Variants in ANKRD17 observed in about 807,000 individuals in gnomAD.
The protein encoded by ANKRD17 is ankyrin repeat domain 17.
In ANKRD17, 19 loss-of-function variants were observed where a neutral mutation model predicts 229.7. The observed-to-expected ratio is 0.08, with a 90% confidence interval of 0.06 to 0.12. The LOEUF (loss-of-function observed/expected upper bound fraction) is 0.12. Among genes scored for constraint, ANKRD17 ranks in the 10% least tolerant of loss-of-function variants. The probability of loss-of-function intolerance (pLI) is 1.00; values close to 1 mark genes in which losing one functional copy is unlikely to be tolerated. For missense variants in ANKRD17, 2,176 were observed against 3,176.8 expected (o/e 0.68, Z 7.57); for synonymous variants, 1,112 against 1,146.1 (o/e 0.97, Z 0.60).
intron 11 of ANKRD17, among the ~76,000 whole-genome samples, chr4:73,143,896 A>G (rs1729913319): frequency 6.6e-6 from 1 of 152,056 alleles, no homozygotes; most frequent in East Asian, 1.9e-4. Flanking sequence ...GCAAGCCACC[A>G]TGCCCAGCTA....
At chr4:73,146,912 G>T (rs1730357488) in intron 9 of ANKRD17, 39 bp from the exon 10 acceptor site, 4 of 1,513,028 alleles carry the variant, frequency 2.6e-6, no homozygotes, top group Non-Finnish European at 3.6e-6. Flanking sequence ...CTTAATAAAG[G>T]AGCCATAAGA....
chr4:73,123,826 A>T (rs1162482105), intron 18 of ANKRD17, among the ~76,000 whole-genome samples: 2 of 152,050 alleles, frequency 1.3e-5, no homozygotes, highest in African/African-American at 2.4e-5. Context: ...AAGCTAGTTT[A>T]AGATGCTCAA....
At chr4:73,240,806 CTTTTTTT>C (rs111961579) in intron 1 of ANKRD17, among the ~76,000 whole-genome samples, 1 of 127,056 alleles carries the variant, frequency 7.9e-6, no homozygotes, top group Non-Finnish European at 1.7e-5. Context: ...AGTACTTATT[CTTTTTTT>C]TTTTTTTTTT....
intron 1 of ANKRD17, among the ~76,000 whole-genome samples, chr4:73,211,450 A>G (rs1740244138): frequency 6.6e-6 from 1 of 152,236 alleles, no homozygotes; most frequent in Non-Finnish European, 1.5e-5. Flanking sequence ...TAAATGTAAA[A>G]TAACACAGTA....
chr4:73,100,095 C>G (rs996603715), intron 25 of ANKRD17, among the ~76,000 whole-genome samples: 14 of 152,194 alleles, frequency 9.2e-5, no homozygotes, highest in Non-Finnish European at 1.5e-4. Flanking sequence ...TCACAAACTA[C>G]CTCTGGACAG....
At chr4:73,221,696 C>T (rs1321946990) in intron 1 of ANKRD17, among the ~76,000 whole-genome samples, 3 of 152,042 alleles carry the variant, frequency 2.0e-5, no homozygotes, top group Non-Finnish European at 4.4e-5. Flanking sequence ...TTTAAGGAAA[C>T]TCACTAATAG....
intron 1 of ANKRD17, among the ~76,000 whole-genome samples, chr4:73,200,275 CTACTT>C (rs1738479450): frequency 6.6e-6 from 1 of 152,062 alleles, no homozygotes; most frequent in Admixed American, 6.6e-5. Flanking sequence ...CAGTGGTTCT[CTACTT>C]TAGCTGCACA....
At chr4:73,160,210 C>CTTTTTTTT (rs144486458) in intron 3 of ANKRD17, among the ~76,000 whole-genome samples, 1 of 61,562 alleles carries the variant, frequency 1.6e-5, no homozygotes, top group African/African-American at 6.8e-5. Context: ...TTTCTTATCA[C>CTTTTTTTT]TTTTTTTTTT....
chr4:73,252,601 C>G (rs1745123014), intron 1 of ANKRD17, among the ~76,000 whole-genome samples: 3 of 152,108 alleles, frequency 2.0e-5, no homozygotes, highest in African/African-American at 7.2e-5. Flanking sequence ...TAAGCACCTT[C>G]AACAAAATCT....
chr4:73,220,030 G>T (rs1350604004), intron 1 of ANKRD17, among the ~76,000 whole-genome samples: 2 of 151,986 alleles, frequency 1.3e-5, no homozygotes, highest in African/African-American at 4.8e-5. Context: ...ATATAAAAAA[G>T]CCAACATATA....
chr4:73,161,518 T>C (rs573247617), intron 2 of ANKRD17, among the ~76,000 whole-genome samples, 170 bp from the exon 3 acceptor site: 1 of 152,366 alleles, frequency 6.6e-6, no homozygotes, highest in East Asian at 1.9e-4. Flanking sequence ...TCTCCAGTTT[T>C]CTAATAATCT....
At chr4:73,203,958 A>G (rs758065910) in intron 1 of ANKRD17, among the ~76,000 whole-genome samples, 16 of 152,074 alleles carry the variant, frequency 1.1e-4, no homozygotes, top group South Asian at 2.1e-4. Flanking sequence ...CATGGGGGGG[A>G]AAAAACCATC....
At chr4:73,217,897 GA>G (rs1035500563) in intron 1 of ANKRD17, among the ~76,000 whole-genome samples, 1 of 152,054 alleles carries the variant, frequency 6.6e-6, no homozygotes, top group African/African-American at 2.4e-5. Flanking sequence ...TCCAAAACCT[GA>G]AAAAATCCAA....
At chr4:73,211,337 A>G (rs1740224775) in intron 1 of ANKRD17, among the ~76,000 whole-genome samples, 1 of 152,196 alleles carries the variant, frequency 6.6e-6, no homozygotes, top group Non-Finnish European at 1.5e-5. Flanking sequence ...TACAATGTAA[A>G]GGCAAACGGT....
At chr4:73,256,241 A>T (rs1008578977) in intron 1 of ANKRD17, among the ~76,000 whole-genome samples, 5 of 152,224 alleles carry the variant, frequency 3.3e-5, no homozygotes, top group Admixed American at 1.3e-4. Context: ...GCCATTCTTC[A>T]TGATTTAAGG....
chr4:73,208,208 A>AC (rs1424867617), intron 1 of ANKRD17, among the ~76,000 whole-genome samples: 2 of 151,624 alleles, frequency 1.3e-5, no homozygotes. Flanking sequence ...AAAAAAAAAA[A>AC]AAAACTTGAA....
chr4:73,186,541 A>C (rs574716888), intron 1 of ANKRD17, among the ~76,000 whole-genome samples: 17 of 152,260 alleles, frequency 1.1e-4, no homozygotes, highest in African/African-American at 4.1e-4. Context: ...GACAAATATT[A>C]AGCAGCTACT....
intron 1 of ANKRD17, among the ~76,000 whole-genome samples, chr4:73,194,954 T>A (rs749371617): frequency 3.3e-5 from 5 of 152,172 alleles, no homozygotes; most frequent in Non-Finnish European, 7.4e-5. Context: ...TTGGTGCGTT[T>A]TTAAAATTTC....
Position 73,077,071 on chromosome 4 carries a change from T to A in ANKRD17, c.7621A>T (p.Ile2541Phe), listed in dbSNP as rs1721075736. 6.2e-7 allele frequency: 1 copy of A among 1,609,828 alleles called. No homozygotes were observed. Among genetic ancestry groups the A allele is most frequent in the Admixed American group, 1.7e-5 (1 of 59,010 alleles). ...MPFSVYGNAMIPPVAPIPDGA... is the reference protein window; with the variant it reads ...MPFSVYGNAMFPPVAPIPDGA... ...TCAGGGATAGGTGCTACTGGAGGAATCATTGCATTCCCATACACAGAAAAA... is the reference window on the plus strand; with the variant it reads ...TCAGGGATAGGTGCTACTGGAGGAAACATTGCATTCCCATACACAGAAAAA... The change falls in exon 33 of 34, where the codon ATT becomes TTT. Residue 2541 changes from isoleucine (I) to phenylalanine (F), a missense_variant. By Grantham distance (21) the Ile-to-Phe change is conservative (BLOSUM62 0). Around this residue, in one of 18 missense-constraint regions of ANKRD17, gnomAD observed 159 missense variants for 214.3 expected, o/e 0.74. Transcript: ENST00000358602.
Sources: gnomAD v4.1 joint callset for allele counts (sites outside exome capture counted in the v4.1 genomes callset) on GRCh38, gnomAD v4.1.1 for gene constraint, gnomAD v4.1.1 regional missense constraint, MANE v1.5 for transcripts, NCBI Gene and HGNC (gene_info 2026-07-23, HGNC 2026-07-21) for gene names.